Variants in PHACTR3 observed in about 807,000 individuals in gnomAD.
PHACTR3 encodes protein phosphatase 1, regulatory subunit 123.
In PHACTR3, 16 loss-of-function variants were observed where a neutral mutation model predicts 66.8. The observed-to-expected ratio is 0.24, with a 90% confidence interval of 0.16 to 0.36. The LOEUF (loss-of-function observed/expected upper bound fraction) is 0.36, where lower values mean the gene tolerates loss of function less well. Ranked by LOEUF, PHACTR3 falls within the 10% of genes least tolerant of loss-of-function variation. The pLI, the probability that PHACTR3 is intolerant of heterozygous loss-of-function variation, is 1.00. For synonymous variants in PHACTR3, 323 were observed against 292.1 expected (o/e 1.11, Z -1.08); for missense variants, 647 against 719.9 (o/e 0.90, Z 1.16).
intron 1 of PHACTR3, among the ~76,000 whole-genome samples, chr20:59,586,608 C>T (rs1488782551): frequency 6.6e-6 from 1 of 151,984 alleles, no homozygotes; most frequent in Non-Finnish European, 1.5e-5. Context: ...ACTGTGATTT[C>T]TGACCTAGAG....
chr20:59,757,799 TG>T (rs1400370075), intron 4 of PHACTR3, among the ~76,000 whole-genome samples: 5 of 152,286 alleles, frequency 3.3e-5, no homozygotes, highest in Non-Finnish European at 5.9e-5. Context: ...AAAAAAGTTT[TG>T]TTTTTTGTTT....
At position 59,820,888 on chromosome 20, in the gene PHACTR3, G is replaced by A. The variant is rs895864678; in HGVS notation, c.1328+14694G>A. Among the ~76,000 whole-genome samples, 2 of 152,204 alleles carry A rather than the reference G, an allele frequency of 1.3e-5. No individual in the cohort carries two copies. Among genetic ancestry groups the A allele is most frequent in the African/African-American group, 4.8e-5 (2 of 41,454 alleles). On this transcript the variant is annotated intron_variant, in intron 8 of 12. Transcript: ENST00000371015. This position sits in a 1 kb window ranked among gnomAD's most constrained non-coding sequence, Gnocchi z 4.6. ...GAGCCATGGGCTGAGTGAGCCCAGG[G>A]AAGTCACATGGTGAGTCCAAGCCTT...
At chr20:59,598,237 G>A (rs2033380595) in intron 1 of PHACTR3, among the ~76,000 whole-genome samples, 1 of 152,248 alleles carries the variant, frequency 6.6e-6, no homozygotes, top group South Asian at 2.1e-4. Context: ...TCACCTGGAT[G>A]TGCTGGGGGC....
chr20:59,767,470 C>T (rs2040218141), intron 5 of PHACTR3, 75 bp downstream of exon 5: 1 of 1,437,698 alleles, frequency 7.0e-7, no homozygotes, highest in Non-Finnish European at 9.5e-7. Context: ...CATTCATCCA[C>T]CCATCCATCA....
intron 8 of PHACTR3, among the ~76,000 whole-genome samples, chr20:59,824,022 A>G (rs1015657761): frequency 3.9e-5 from 6 of 152,220 alleles, no homozygotes; most frequent in African/African-American, 1.4e-4. Flanking sequence ...GATGCCCAGC[A>G]TGGCTGGAGC....
At chr20:59,804,746 A>G (rs2041512990) in intron 7 of PHACTR3, among the ~76,000 whole-genome samples, 1 of 152,224 alleles carries the variant, frequency 6.6e-6, no homozygotes, top group South Asian at 2.1e-4. Flanking sequence ...AAACAATCGC[A>G]TGTTAGAAAT....
intron 1 of PHACTR3, among the ~76,000 whole-genome samples, chr20:59,617,248 TA>T (rs1345165707): frequency 6.6e-6 from 1 of 151,844 alleles, no homozygotes; most frequent in Admixed American, 6.6e-5. Flanking sequence ...CATGTTCCCA[TA>T]AAAAAATTAA....
intron 4 of PHACTR3, among the ~76,000 whole-genome samples, chr20:59,759,765 T>C (rs1448689329): frequency 6.6e-6 from 1 of 152,192 alleles, no homozygotes; most frequent in Non-Finnish European, 1.5e-5. Flanking sequence ...ACTGCCCACA[T>C]CTGGGCCCAG....
chr20:59,847,075 T>G lies in PHACTR3; in HGVS notation c.1665-40T>G, dbSNP rs376185715. The G allele has an allele frequency of 2.1e-6, 3 of 1,417,706 alleles. No individual in the cohort carries two copies. In the African/African-American group the frequency reaches 4.3e-5, roughly 20 times the overall value. The allele number at this position is 1,417,706 out of a possible 1,614,324, so 87.8% of individuals were successfully genotyped here. On this transcript the variant is annotated intron_variant, in intron 12 of 12. Transcript: ENST00000371015. ...TTTTGGCTATTTTAACTGCTAGAAA[T>G]GAATAACCTTAAATTCTTTGTCTTT...
intron 8 of PHACTR3, among the ~76,000 whole-genome samples, chr20:59,817,888 T>A (rs989413447): frequency 3.9e-5 from 6 of 152,264 alleles, no homozygotes; most frequent in African/African-American, 1.4e-4. Flanking sequence ...ACCTCTGATG[T>A]GAAGTCACTT....
At chr20:59,767,440 C>A in intron 5 of PHACTR3, 45 bp downstream of exon 5, 1 of 1,554,472 alleles carries the variant, frequency 6.4e-7, no homozygotes, top group Non-Finnish European at 8.8e-7. Flanking sequence ...TTTCTCTGCC[C>A]CATCCATCCA....
intron 1 of PHACTR3, among the ~76,000 whole-genome samples, chr20:59,641,602 C>G (rs2035105401): frequency 6.6e-6 from 1 of 152,164 alleles, no homozygotes; most frequent in Admixed American, 6.5e-5. Context: ...CCTATTGATT[C>G]AAATGTCAGT....
chr20:59,726,687 C>T (rs934500220), intron 1 of PHACTR3, among the ~76,000 whole-genome samples: 2 of 152,050 alleles, frequency 1.3e-5, no homozygotes, highest in African/African-American at 4.8e-5. Flanking sequence ...TTCATGTGTG[C>T]CAATCATGCT....
chr20:59,661,947 G>A lies in PHACTR3; in HGVS notation c.118+56815G>A, dbSNP rs117697852. Among the ~76,000 whole-genome samples, 30 of 152,278 alleles carry A rather than the reference G, an allele frequency of 2.0e-4. No homozygotes were observed. In the East Asian group the frequency reaches 5.4e-3, roughly 28 times the overall value. On this transcript the variant is annotated intron_variant, in intron 1 of 12. Transcript: ENST00000371015. ...CTAATCTCCTTGTGGGATGCCTTGG[G>A]TTGGATCAGTTTCTCTTGGCCCCTG...
chr20:59,612,499 C>G (rs755650347), intron 1 of PHACTR3, among the ~76,000 whole-genome samples: 1 of 152,144 alleles, frequency 6.6e-6, no homozygotes, highest in African/African-American at 2.4e-5. Context: ...ATTCTCCTGC[C>G]TCAGCCTCCC....
chr20:59,624,134 T>C (rs1363421491), intron 1 of PHACTR3, among the ~76,000 whole-genome samples: 2 of 152,152 alleles, frequency 1.3e-5, no homozygotes, highest in Non-Finnish European at 2.9e-5. Context: ...CTTTCTTCGA[T>C]GTGAGCCTGG....
intron 8 of PHACTR3, among the ~76,000 whole-genome samples, chr20:59,807,771 A>T (rs774208976): frequency 1.6e-4 from 24 of 152,218 alleles, no homozygotes; most frequent in Non-Finnish European, 3.4e-4. Context: ...ATCTTCTGGG[A>T]CAACTATCTT....
chr20:59,747,870 G>A (rs758979053), intron 3 of PHACTR3, 35 bp downstream of exon 3: 70 of 1,602,794 alleles, frequency 4.4e-5, no homozygotes, highest in South Asian at 3.0e-4. Context: ...GGAAGGGCAC[G>A]GTGCTGGGAA....
intron 4 of PHACTR3, among the ~76,000 whole-genome samples, chr20:59,765,733 A>G (rs1412186075): frequency 1.3e-5 from 2 of 152,126 alleles, no homozygotes; most frequent in African/African-American, 2.4e-5. Flanking sequence ...CTCCCTGACC[A>G]CTGTGTTTTC....
Sources: allele counts gnomAD v4.1 joint callset (sites outside exome capture counted in the v4.1 genomes callset), GRCh38; gene constraint gnomAD v4.1.1; non-coding constraint Gnocchi (gnomAD v3.1); transcripts MANE v1.5; gene names NCBI Gene and HGNC (gene_info 2026-07-23, HGNC 2026-07-21).